The following PROX1 variants were observed in gnomAD, a reference collection of about 807,000 sequenced individuals.
The protein encoded by PROX1 is prospero homeobox protein 1.
In PROX1, 7 loss-of-function variants were observed where a neutral mutation model predicts 58.8. The observed-to-expected ratio is 0.12, with a 90% confidence interval of 0.07 to 0.22. The LOEUF (loss-of-function observed/expected upper bound fraction) is 0.22, where lower values mean the gene tolerates loss of function less well. PROX1 is among the 10% of genes least tolerant of loss of function. The pLI is 1.00. For missense variants in PROX1, 675 were observed against 927.8 expected, an observed-to-expected ratio of 0.73 and a Z score of 3.54; for synonymous variants, 350 against 358.3, an observed-to-expected ratio of 0.98 and a Z score of 0.26.
rs1664910904 is a variant in PROX1, at chr1:214,038,738, G to T, written c.*2904G>T. On this transcript the variant is annotated 3_prime_UTR_variant, in exon 5 of 5. Transcript: ENST00000366958. ...CTGTGGCTTTCGATTTCATCTTTTT[G>T]ACTTTATTTCCAATTACTACAGCTG... The T allele has an allele frequency of 6.6e-6, 1 of 152,000 alleles. No individual in the cohort carries two copies. Among genetic ancestry groups the T allele is most frequent in the Non-Finnish European group, 1.5e-5 (1 of 67,990 alleles). 9.4% of individuals were successfully genotyped at this position (152,000 alleles called of 1,614,324 possible). A position where few individuals can be genotyped will look rare whatever the true frequency, so the allele number is the denominator to read the frequency against.
In PROX1 at chr1:214,004,439, G is replaced by A. The variant is rs139036270; in HGVS notation, c.1726-726G>A. Among the ~76,000 whole-genome samples the A allele has an allele frequency of 1.4e-3, 212 of 152,282 alleles. 1 individual carries two copies. Among genetic ancestry groups the A allele is most frequent in the African/African-American group, 4.3e-3 (180 of 41,552 alleles). On this transcript the variant is annotated intron_variant, in intron 2 of 4. Transcript: ENST00000366958. ...TTGATTTGTTAGCCCCAACTACTGC[G>A]TCACTCTCAAAGGAGTTAACTATAA...
At position 213,997,645 on chromosome 1, in the gene PROX1, C is replaced by G. The variant is rs1663324066; in HGVS notation, c.1110C>G (p.Val370=). The stretch of plus-strand genomic sequence containing the variant: ...AAGTTGTGGACACTGTGGTCAAAGT[C>G]TTTTCGGCCAAGCCCTCCCGCCAGG... ...MSQVVDTVVK[V]FSAKPSRQVP... is the part of the protein sequence containing the mutation. Residue 370 remains valine, a synonymous_variant, in exon 2 of 5, where the codon GTC becomes GTG. Transcript: ENST00000366958. The surrounding 1 kb of genome is among the most constrained non-coding windows in gnomAD (Gnocchi z 7.1). 1.9e-6 allele frequency: 3 copies of G among 1,614,100 alleles called. No homozygotes were observed. The highest frequency in any genetic ancestry group is 1.7e-5 in the Admixed American group (1 of 60,012).
At chr1:213,995,832 T>G (rs1474657781) in intron 1 of PROX1, among the ~76,000 whole-genome samples, 1 of 152,194 alleles carries the variant, frequency 6.6e-6, no homozygotes, top group Non-Finnish European at 1.5e-5. Context: ...AAAATGACTA[T>G]TGTGCATTTA....
At chr1:214,022,148 T>C (rs1664301288) in intron 4 of PROX1, among the ~76,000 whole-genome samples, 1 of 152,350 alleles carries the variant, frequency 6.6e-6, no homozygotes, top group East Asian at 1.9e-4. Flanking sequence ...ACTTACAGCA[T>C]GGACTCTCCA....
intron 4 of PROX1, among the ~76,000 whole-genome samples, chr1:214,026,455 A>G (rs1265752416): frequency 6.6e-6 from 1 of 152,216 alleles, no homozygotes; most frequent in Non-Finnish European, 1.5e-5. Context: ...TGATCTCTAC[A>G]TGCAGAATTG....
chr1:213,983,699 C>T (rs1662754825), upstream of PROX1: 1 of 152,336 alleles, frequency 6.6e-6, no homozygotes, highest in Non-Finnish European at 1.5e-5. Context: ...GAGAGCACCC[C>T]TTTCTCGCCG....
At chr1:214,021,143 C>G (rs372790712) in intron 4 of PROX1, among the ~76,000 whole-genome samples, 1 of 152,162 alleles carries the variant, frequency 6.6e-6, no homozygotes, top group African/African-American at 2.4e-5. Context: ...TCAAAAGGCT[C>G]GAGATATATC....
chr1:213,992,657 G>T (rs145242843), intron 1 of PROX1, among the ~76,000 whole-genome samples: 125 of 152,176 alleles, frequency 8.2e-4, no homozygotes, highest in African/African-American at 2.6e-3. Context: ...AACAAAGACA[G>T]ATCATCTAAA....
At chr1:213,987,560 A>AG (rs1422066558), upstream of PROX1, 1 of 147,368 alleles carries the variant, frequency 6.8e-6, no homozygotes, top group Non-Finnish European at 1.5e-5. Context: ...AAAAAGAAAA[A>AG]GAAAAAAAAA....
At position 214,036,078 on chromosome 1, in the gene PROX1, C is replaced by A; in HGVS notation, c.*244C>A. 3.2e-6 allele frequency: 1 copy of A among 311,244 alleles called. No individual in the cohort carries two copies. The highest frequency in any genetic ancestry group is 5.9e-6 in the Non-Finnish European group (1 of 170,796). 19.3% of individuals were successfully genotyped at this position (311,244 alleles called of 1,614,324 possible). On this transcript the variant is annotated 3_prime_UTR_variant, in exon 5 of 5. Coordinates refer to ENST00000366958, the MANE Select transcript of PROX1 (RefSeq NM_001270616.2). The stretch of plus-strand genomic sequence containing the variant: ...GCCCAAGGCCCTTAACATTTGGACA[C>A]TTAAAATAGGGTTAATTTTCAGGGA...
At chr1:213,993,816 C>G (rs1016307884) in intron 1 of PROX1, among the ~76,000 whole-genome samples, 1 of 151,974 alleles carries the variant, frequency 6.6e-6, no homozygotes, top group African/African-American at 2.4e-5. Flanking sequence ...TTGTTATGTT[C>G]CAGCTGGACA....
At chr1:214,018,369 ATAAT>A (rs1664167494) in intron 4 of PROX1, among the ~76,000 whole-genome samples, 1 of 152,238 alleles carries the variant, frequency 6.6e-6, no homozygotes, top group African/African-American at 2.4e-5. Flanking sequence ...TTGAAAGCAG[ATAAT>A]TAGTTTAAAA....
intron 3 of PROX1, among the ~76,000 whole-genome samples, chr1:214,009,461 G>C (rs185617546): frequency 6.6e-6 from 1 of 152,158 alleles, no homozygotes; most frequent in African/African-American, 2.4e-5. Flanking sequence ...CTAGAAAAGC[G>C]GGGGCTTGCT....
chr1:214,005,830 A>G (rs1189178442), intron 3 of PROX1, among the ~76,000 whole-genome samples: 1 of 152,140 alleles, frequency 6.6e-6, no homozygotes, highest in African/African-American at 2.4e-5. Context: ...GAATAAAGTG[A>G]CAGATTCAGG....
chr1:214,000,833 T>C (rs1216212898), intron 2 of PROX1, among the ~76,000 whole-genome samples: 1 of 152,198 alleles, frequency 6.6e-6, no homozygotes, highest in African/African-American at 2.4e-5. Context: ...TTGATTTAAC[T>C]GTTAGTGTGT....
intron 1 of PROX1, 141 bp from the exon 2 acceptor site, chr1:213,996,328 A>C (rs74462101): frequency 0.012 from 5,851 of 508,762 alleles, 309 homozygotes; most frequent in African/African-American, 0.1. Context: ...TTTCAAGCAG[A>C]GTGCATAATA....
Position 214,002,603 on chromosome 1 carries a change from C to T in PROX1, c.1726-2562C>T, listed in dbSNP as rs977377811. ...CCCCCCTCACCCCACTCCCCTTTAC[C>T]TCCTTAATATTTATTTGTGCTCATT... On this transcript the variant is annotated intron_variant, in intron 2 of 4. Transcript: ENST00000366958. Among the ~76,000 whole-genome samples the T allele has an allele frequency of 1.6e-4, 24 of 152,110 alleles. No homozygotes were observed. In the East Asian group the frequency reaches 4.1e-3, roughly 26 times the overall value.
At chr1:214,005,964 A>C (rs1303860746) in intron 3 of PROX1, among the ~76,000 whole-genome samples, 2 of 149,268 alleles carry the variant, frequency 1.3e-5, no homozygotes, top group Non-Finnish European at 3.0e-5. Flanking sequence ...GTGTGTGTGT[A>C]TGTGTCTGTG....
At chr1:214,021,782 C>A (rs1261265429) in intron 4 of PROX1, among the ~76,000 whole-genome samples, 6 of 152,216 alleles carry the variant, frequency 3.9e-5, no homozygotes, top group Non-Finnish European at 7.3e-5. Context: ...GCTGATCAGA[C>A]TCTTGGCAAA....
Sources: allele counts gnomAD v4.1 joint callset (sites outside exome capture counted in the v4.1 genomes callset), GRCh38; gene constraint gnomAD v4.1.1; non-coding constraint Gnocchi (gnomAD v3.1); transcripts MANE v1.5; gene names NCBI Gene and HGNC (gene_info 2026-07-23, HGNC 2026-07-21).